The following GFRA1 variants were observed in gnomAD, a reference collection of about 807,000 sequenced individuals.
The protein encoded by GFRA1 is GDNF family receptor alpha-1.
In GFRA1, 16 loss-of-function variants were observed where a neutral mutation model predicts 51.6. That is an observed-to-expected ratio of 0.31 (90% CI 0.21 to 0.47). The LOEUF is 0.47. Among genes scored for constraint, GFRA1 ranks in the 20% least tolerant of loss-of-function variants. GFRA1 has a pLI of 1.00. For synonymous variants in GFRA1, 270 were observed against 241.3 expected (o/e 1.12, Z -1.10); for missense variants, 530 against 594.3 (o/e 0.89, Z 1.13).
intron 5 of GFRA1, among the ~76,000 whole-genome samples, chr10:116,170,021 T>C (rs181644025): frequency 7.4e-4 from 113 of 152,222 alleles, no homozygotes; most frequent in African/African-American, 2.6e-3. Flanking sequence ...CCCACTCACA[T>C]GCATGCACCA....
At chr10:116,098,313 A>G (rs1384266853) in intron 6 of GFRA1, among the ~76,000 whole-genome samples, 1 of 152,208 alleles carries the variant, frequency 6.6e-6, no homozygotes, top group Non-Finnish European at 1.5e-5. Context: ...AGTGGCAACC[A>G]CGGTCCGTGC....
chr10:116,252,194 A>C (rs1589912990), intron 4 of GFRA1, among the ~76,000 whole-genome samples: 1 of 152,114 alleles, frequency 6.6e-6, no homozygotes, highest in East Asian at 1.9e-4. Context: ...CACTCTGCCT[A>C]GGAACTCACA....
chr10:116,087,780 ATG>A (rs1390021854), intron 9 of GFRA1, among the ~76,000 whole-genome samples: 3 of 150,734 alleles, frequency 2.0e-5, no homozygotes, highest in Admixed American at 6.6e-5. Flanking sequence ...CCCGCTGGAG[ATG>A]GAAAAAAGAC....
chr10:116,064,685 A>G, intron 10 of GFRA1, 141 bp from the exon 11 acceptor site: 4 of 751,704 alleles, frequency 5.3e-6, no homozygotes, highest in Non-Finnish European at 9.5e-6. Flanking sequence ...TGAGACTTAC[A>G]TTCACTGACT....
At chr10:116,177,376 T>G (rs990112891) in intron 5 of GFRA1, among the ~76,000 whole-genome samples, 1 of 152,100 alleles carries the variant, frequency 6.6e-6, no homozygotes, top group Non-Finnish European at 1.5e-5. Flanking sequence ...GACACAGGAA[T>G]GGCAGACAAG....
At chr10:116,159,664 C>A (rs1246248492) in intron 5 of GFRA1, among the ~76,000 whole-genome samples, 1 of 152,188 alleles carries the variant, frequency 6.6e-6, no homozygotes, top group Non-Finnish European at 1.5e-5. Context: ...CTACACCCTG[C>A]ACTGCTTTTG....
At chr10:116,235,937 G>T (rs1047626663) in intron 4 of GFRA1, among the ~76,000 whole-genome samples, 1 of 152,094 alleles carries the variant, frequency 6.6e-6, no homozygotes, top group Non-Finnish European at 1.5e-5. Context: ...CCAAAACTAT[G>T]AGAAATAATT....
chr10:116,215,090 C>A (rs978556191), intron 4 of GFRA1, among the ~76,000 whole-genome samples: 10 of 152,106 alleles, frequency 6.6e-5, no homozygotes, highest in Non-Finnish European at 1.5e-5. Flanking sequence ...AAGTTTATGT[C>A]TTTTGTGGTC....
chr10:116,104,413 G>C (rs1471067100), intron 6 of GFRA1, among the ~76,000 whole-genome samples: 1 of 152,214 alleles, frequency 6.6e-6, no homozygotes, highest in East Asian at 1.9e-4. Context: ...GGTTCTCCTT[G>C]TGGTTTGCCC....
chr10:116,163,250 G>C (rs1565620128), intron 5 of GFRA1, among the ~76,000 whole-genome samples: 1 of 152,176 alleles, frequency 6.6e-6, no homozygotes, highest in South Asian at 2.1e-4. Flanking sequence ...GATTTGGGGA[G>C]GAAAAAGACT....
At chr10:116,235,347 C>T (rs1393884321) in intron 4 of GFRA1, among the ~76,000 whole-genome samples, 3 of 152,262 alleles carry the variant, frequency 2.0e-5, no homozygotes, top group East Asian at 3.9e-4. Flanking sequence ...TCACAGGAAA[C>T]GAATCTTGAG....
chr10:116,092,892 G>A (rs1956411909), intron 8 of GFRA1, among the ~76,000 whole-genome samples: 1 of 152,188 alleles, frequency 6.6e-6, no homozygotes, highest in South Asian at 2.1e-4. Flanking sequence ...TATCTCAGCT[G>A]GATCGTCATC....
chr10:116,214,974 T>C (rs895003775), intron 4 of GFRA1, among the ~76,000 whole-genome samples: 16 of 152,236 alleles, frequency 1.1e-4, no homozygotes, highest in African/African-American at 3.9e-4. Context: ...AAAACTCTTT[T>C]TCAGCTTTGT....
chr10:116,157,100 T>C (rs1459256718), intron 5 of GFRA1, among the ~76,000 whole-genome samples: 1 of 152,212 alleles, frequency 6.6e-6, no homozygotes, highest in Non-Finnish European at 1.5e-5. Context: ...GAAAAGGTGC[T>C]TTTAAACATT....
At chr10:116,247,504 G>A (rs1967963816) in intron 4 of GFRA1, among the ~76,000 whole-genome samples, 1 of 152,208 alleles carries the variant, frequency 6.6e-6, no homozygotes, top group Admixed American at 6.5e-5. Context: ...CTAAGGCCCT[G>A]TGGCCATGTG....
chr10:116,069,700 T>C (rs1289485079), intron 9 of GFRA1, among the ~76,000 whole-genome samples: 1 of 152,220 alleles, frequency 6.6e-6, no homozygotes, highest in African/African-American at 2.4e-5. Context: ...GAGCAGTGCC[T>C]CTCCTGCTTT....
chr10:116,172,712 C>G (rs1202365285), intron 5 of GFRA1, among the ~76,000 whole-genome samples: 1 of 152,146 alleles, frequency 6.6e-6, no homozygotes, highest in Non-Finnish European at 1.5e-5. Flanking sequence ...GGAGGGTCAG[C>G]AGGACTCAGC....
At chr10:116,090,477 C>G in intron 8 of GFRA1, among the ~76,000 whole-genome samples, 1 of 143,142 alleles carries the variant, frequency 7.0e-6, no homozygotes, top group South Asian at 2.2e-4. Context: ...TCATCAGTAT[C>G]TAGTGAAAAT....
intron 5 of GFRA1, among the ~76,000 whole-genome samples, chr10:116,198,905 G>T (rs1470978190): frequency 6.6e-6 from 1 of 152,108 alleles, no homozygotes; most frequent in Non-Finnish European, 1.5e-5. Context: ...GATGGATTAG[G>T]GTAAGCCCTA....
Sources: gnomAD v4.1 joint callset for allele counts (sites outside exome capture counted in the v4.1 genomes callset) on GRCh38, gnomAD v4.1.1 for gene constraint, MANE v1.5 for transcripts, NCBI Gene and HGNC (gene_info 2026-07-23, HGNC 2026-07-21) for gene names.